The following LIN9 variants were observed in gnomAD, a reference collection of about 807,000 sequenced individuals.
The protein encoded by LIN9 is lin-9 DREAM MuvB core complex component, also known as protein lin-9 homolog.
In LIN9, 18 loss-of-function variants were observed where a neutral mutation model predicts 78.0. The ratio of observed to expected loss-of-function variants is 0.23; its 90% CI spans 0.16 to 0.34. The LOEUF (loss-of-function observed/expected upper bound fraction) is 0.34. Ranked by LOEUF, LIN9 falls within the 10% of genes least tolerant of loss-of-function variation. The pLI, the probability that LIN9 is intolerant of heterozygous loss-of-function variation, is 1.00. For missense variants in LIN9, 451 were observed against 644.1 expected (o/e 0.70, Z 3.25); for synonymous variants, 192 against 215.2 (o/e 0.89, Z 0.94).
intron 10 of LIN9, among the ~76,000 whole-genome samples, chr1:226,256,744 G>A (rs1487285647): frequency 6.6e-6 from 1 of 151,634 alleles, no homozygotes; most frequent in Non-Finnish European, 1.5e-5. Context: ...ATTTTTAGTA[G>A]AGACAGGGTT....
chr1:226,262,980 C>T (rs548023039), intron 10 of LIN9, among the ~76,000 whole-genome samples: 4 of 151,894 alleles, frequency 2.6e-5, no homozygotes, highest in Non-Finnish European at 4.4e-5. Flanking sequence ...TATCAAGCCA[C>T]GAATAGACAT....
chr1:226,305,112 G>A (rs890143333), intron 1 of LIN9, among the ~76,000 whole-genome samples: 1 of 151,796 alleles, frequency 6.6e-6, no homozygotes, highest in African/African-American at 2.4e-5. Flanking sequence ...GGAGGTTGCA[G>A]TGAGCAAAGA....
At chr1:226,267,106 T>G (rs1023215772) in intron 8 of LIN9, among the ~76,000 whole-genome samples, 2 of 151,780 alleles carry the variant, frequency 1.3e-5, no homozygotes, top group African/African-American at 4.8e-5. Flanking sequence ...AAGGAGAGTT[T>G]AAAGCTTTCA....
intron 11 of LIN9, among the ~76,000 whole-genome samples, chr1:226,246,633 A>AG (rs1658493968): frequency 6.6e-6 from 1 of 151,400 alleles, no homozygotes; most frequent in Non-Finnish European, 1.5e-5. Flanking sequence ...AAAAAAAAAA[A>AG]ATACAAAAAA....
chr1:226,294,068 GA>G (rs1661965183), intron 4 of LIN9, among the ~76,000 whole-genome samples: 1 of 152,074 alleles, frequency 6.6e-6, no homozygotes, highest in Non-Finnish European at 1.5e-5. Flanking sequence ...AGCAGTTTAG[GA>G]GGCTGAGGTG....
chr1:226,307,286 G>A (rs1033509916), intron 1 of LIN9, among the ~76,000 whole-genome samples: 21 of 152,156 alleles, frequency 1.4e-4, no homozygotes, highest in Admixed American at 7.9e-4. Context: ...AAACATTTTC[G>A]GATGACAAGT....
intron 11 of LIN9, among the ~76,000 whole-genome samples, chr1:226,239,678 G>T (rs1170275297): frequency 6.6e-6 from 1 of 152,154 alleles, no homozygotes; most frequent in African/African-American, 2.4e-5. Context: ...TTGTTGCAAA[G>T]ATTAAATGAG....
At chr1:226,256,552 A>AATAT (rs754927514) in intron 10 of LIN9, among the ~76,000 whole-genome samples, 9 of 146,752 alleles carry the variant, frequency 6.1e-5, no homozygotes, top group Non-Finnish European at 9.0e-5. Context: ...AAATAAAATA[A>AATAT]ATATATATAT....
intron 2 of LIN9, among the ~76,000 whole-genome samples, chr1:226,300,252 A>T (rs949507879): frequency 2.0e-5 from 3 of 152,042 alleles, no homozygotes; most frequent in Non-Finnish European, 4.4e-5. Flanking sequence ...CAAGACTCTT[A>T]AAAATAAGCT....
chr1:226,244,787 T>G lies in LIN9; in HGVS notation c.1120-5691A>C, dbSNP rs559491700. 3.3e-5 allele frequency among the ~76,000 whole-genome samples: 5 copies of G among 152,374 alleles called. No individual in the cohort carries two copies. The East Asian group carries it at 9.6e-4, about 29-fold the overall frequency. On this transcript the variant is annotated intron_variant, in intron 11 of 14. Coordinates refer to ENST00000681046, the MANE Select transcript of LIN9 (RefSeq NM_001366245.2). ...TGAACATCCTTGTATGCGCATCTTC[T>G]GAATGATACTCTAGAAGTAAAATTT...
chr1:226,263,312 A>G (rs141054283), intron 10 of LIN9, among the ~76,000 whole-genome samples: 129 of 152,290 alleles, frequency 8.5e-4, no homozygotes, highest in Middle Eastern at 3.4e-3. Flanking sequence ...ATGAAAGTTC[A>G]CTGACTGTAA....
chr1:226,268,426 T>TA (rs1287212545), intron 7 of LIN9, among the ~76,000 whole-genome samples: 2 of 151,352 alleles, frequency 1.3e-5, no homozygotes, highest in African/African-American at 4.8e-5. Context: ...TAGTTCAATT[T>TA]AAAAAAAAAG....
intron 7 of LIN9, among the ~76,000 whole-genome samples, chr1:226,274,934 ACTGT>A (rs1660540238): frequency 6.6e-6 from 1 of 152,154 alleles, no homozygotes; most frequent in Non-Finnish European, 1.5e-5. Context: ...TTTTGAAGTC[ACTGT>A]CTGCTAATCC....
chr1:226,271,518 T>A (rs1361547537), intron 7 of LIN9, among the ~76,000 whole-genome samples: 2 of 152,220 alleles, frequency 1.3e-5, no homozygotes, highest in African/African-American at 4.8e-5. Flanking sequence ...TATATGTCGA[T>A]AAACAAGCCA....
chr1:226,250,884 T>C lies in LIN9; in HGVS notation c.1074A>G (p.Glu358=), dbSNP rs1658790296. Residue 358 remains glutamate, a synonymous_variant, in exon 11 of 15, where the codon GAA becomes GAG. Transcript: ENST00000681046. ...TCATTTCCCTTAATTTCTTGATATG[T>C]TCCTTTTTAATCATGAGAATTTTTG... is the stretch of plus-strand genomic sequence containing the variant. ...RLSKILMIKK[E]HIKKLREMNT... is the part of the protein sequence containing the mutation. The C allele has an allele frequency of 1.3e-6, 2 of 1,543,414 alleles. No homozygotes were observed. The highest frequency in any genetic ancestry group is 4.5e-5 in the East Asian group (2 of 44,370).
chr1:226,234,727 A>C (rs1173337689), intron 12 of LIN9, among the ~76,000 whole-genome samples: 1 of 152,088 alleles, frequency 6.6e-6, no homozygotes, highest in Non-Finnish European at 1.5e-5. Context: ...TGGCTCTCTC[A>C]GCAGACATAT....
chr1:226,284,202 A>G (rs1363860483), intron 6 of LIN9, among the ~76,000 whole-genome samples: 2 of 152,082 alleles, frequency 1.3e-5, no homozygotes, highest in African/African-American at 2.4e-5. Context: ...CATTGCAACT[A>G]TTATACTAAA....
intron 6 of LIN9, among the ~76,000 whole-genome samples, chr1:226,283,248 T>C (rs1433183958): frequency 1.3e-5 from 2 of 149,356 alleles, no homozygotes; most frequent in Non-Finnish European, 3.0e-5. Context: ...CACCTCAGCC[T>C]CCTGAGTAGC....
At chr1:226,296,707 G>A (rs1221946574) in intron 3 of LIN9, among the ~76,000 whole-genome samples, 1 of 152,058 alleles carries the variant, frequency 6.6e-6, no homozygotes, top group Non-Finnish European at 1.5e-5. Flanking sequence ...CATCCACTCG[G>A]GTCTATGAAC....
Sources: allele counts gnomAD v4.1 joint callset (sites outside exome capture counted in the v4.1 genomes callset), GRCh38; gene constraint gnomAD v4.1.1; transcripts MANE v1.5; gene names NCBI Gene and HGNC (gene_info 2026-07-23, HGNC 2026-07-21).